Variants in IP6K1 observed in about 807,000 individuals in gnomAD.
The protein encoded by IP6K1 is ATP:1D-myo-inositol-hexakisphosphate phosphotransferase.
In IP6K1, 13 loss-of-function variants were observed where a neutral mutation model predicts 38.3. That is an observed-to-expected ratio of 0.34 (90% CI 0.22 to 0.54). The LOEUF is 0.54. IP6K1 is among the 20% of genes least tolerant of loss of function. The pLI, the probability that IP6K1 is intolerant of heterozygous loss-of-function variation, is 0.92. For missense variants in IP6K1, 397 were observed against 599.8 expected, an observed-to-expected ratio of 0.66 and a Z score of 3.53; for synonymous variants, 212 against 229.9, an observed-to-expected ratio of 0.92 and a Z score of 0.70.
Position 49,745,808 on chromosome 3 carries a change from C to T in IP6K1, c.223+2010G>A, listed in dbSNP as rs555246507. Among the ~76,000 whole-genome samples the T allele has an allele frequency of 2.7e-5, 4 of 147,930 alleles. No homozygotes were observed. The East Asian group carries it at 6.0e-4, about 22-fold the overall frequency. On this transcript the variant is annotated intron_variant, in intron 2 of 5. Coordinates refer to ENST00000321599, the MANE Select transcript of IP6K1 (RefSeq NM_153273.4). ...GGTGGAGATTGCAGTGAGCCGAGAT[C>T]GTGCCACTGCACTCCAGCCTGGGCG...
chr3:49,785,623 G>A (rs1434434444), intron 1 of IP6K1: 2 of 152,124 alleles, frequency 1.3e-5, no homozygotes, highest in Non-Finnish European at 2.9e-5. Flanking sequence ...CTCCTATGGC[G>A]AGCATCCCTT....
At position 49,727,024 on chromosome 3, in the gene IP6K1, C is replaced by G; in HGVS notation, c.*98G>C. On this transcript the variant is annotated 3_prime_UTR_variant, in exon 6 of 6. Coordinates refer to ENST00000321599, the MANE Select transcript of IP6K1 (RefSeq NM_153273.4). This position sits in a 1 kb window ranked among gnomAD's most constrained non-coding sequence, Gnocchi z 5.9. ...TAGTTTACACCAAAGAGAAATATAA[C>G]CCTTTAAAAGCAAGTCTGTGTGTCC... The G allele has an allele frequency of 1.7e-6, 2 of 1,189,510 alleles. No individual in the cohort carries two copies. Among genetic ancestry groups the G allele is most frequent in the Non-Finnish European group, 2.4e-6 (2 of 840,240 alleles). 73.7% of individuals were successfully genotyped at this position (1,189,510 alleles called of 1,614,324 possible).
At chr3:49,753,283 T>G (rs938585322) in intron 1 of IP6K1, among the ~76,000 whole-genome samples, 1 of 152,242 alleles carries the variant, frequency 6.6e-6, no homozygotes, top group South Asian at 2.1e-4. Flanking sequence ...TGCCTAAACA[T>G]TCTTCCCCCA....
chr3:49,781,004 G>T (rs76227412), intron 1 of IP6K1, among the ~76,000 whole-genome samples: 1,772 of 151,984 alleles, frequency 0.012, 32 homozygotes, highest in Non-Finnish European at 0.012. Flanking sequence ...GACACAAAAA[G>T]TGTAAAATAC....
intron 1 of IP6K1, among the ~76,000 whole-genome samples, chr3:49,753,307 C>T (rs1430614757): frequency 6.6e-6 from 1 of 152,076 alleles, no homozygotes; most frequent in African/African-American, 2.4e-5. Context: ...AACCACATGG[C>T]CAACTCCCTC....
At chr3:49,764,474 C>G (rs939428472) in intron 1 of IP6K1, among the ~76,000 whole-genome samples, 1 of 152,160 alleles carries the variant, frequency 6.6e-6, no homozygotes, top group Non-Finnish European at 1.5e-5. Flanking sequence ...CAGTAGGCTA[C>G]TAATAATTAA....
chr3:49,765,942 C>T (rs539014667), intron 1 of IP6K1, among the ~76,000 whole-genome samples: 1 of 151,774 alleles, frequency 6.6e-6, no homozygotes, highest in Admixed American at 6.6e-5. Context: ...TTTGTGAGGC[C>T]GAAGCGGGCA....
At chr3:49,767,154 T>C (rs1215976886) in intron 1 of IP6K1, among the ~76,000 whole-genome samples, 1 of 151,596 alleles carries the variant, frequency 6.6e-6, no homozygotes, top group Non-Finnish European at 1.5e-5. Flanking sequence ...CTCATACCAG[T>C]AGTCTCGGCT....
chr3:49,773,863 G>A (rs768362644), intron 1 of IP6K1, among the ~76,000 whole-genome samples: 13 of 151,932 alleles, frequency 8.6e-5, no homozygotes, highest in Admixed American at 2.0e-4. Context: ...TTATAAATAA[G>A]TTTCAGAATA....
chr3:49,736,225 A>G (rs761000465), intron 3 of IP6K1, among the ~76,000 whole-genome samples: 60 of 152,046 alleles, frequency 3.9e-4, no homozygotes, highest in Non-Finnish European at 6.8e-4. Context: ...TCATAATTCT[A>G]TTATTATTTT....
At chr3:49,730,519 G>A (rs2080553100) in intron 4 of IP6K1, among the ~76,000 whole-genome samples, 1 of 152,142 alleles carries the variant, frequency 6.6e-6, no homozygotes, top group Admixed American at 6.6e-5. Context: ...TTCCCAAATA[G>A]GAATCTTTAG....
At chr3:49,748,305 C>A in intron 1 of IP6K1, 137 bp from the exon 2 acceptor site, 1 of 475,832 alleles carries the variant, frequency 2.1e-6, no homozygotes, top group Non-Finnish European at 3.8e-6. Context: ...TACTACGTGG[C>A]ACATGAAAGG....
intron 1 of IP6K1, among the ~76,000 whole-genome samples, chr3:49,773,926 T>C (rs901422122): frequency 4.6e-4 from 70 of 151,576 alleles, no homozygotes; most frequent in Non-Finnish European, 6.0e-4. Context: ...GCAGGATCAC[T>C]TGAGCCCAGG....
chr3:49,738,190 G>A, intron 3 of IP6K1, 22 bp downstream of exon 3: 2 of 1,595,270 alleles, frequency 1.3e-6, no homozygotes, highest in Non-Finnish European at 1.7e-6. Flanking sequence ...TGTACCAGCA[G>A]GACGAAACAT....
In IP6K1 at chr3:49,774,991, T is replaced by C. The variant is rs558202969; in HGVS notation, c.-129+11363A>G. Among the ~76,000 whole-genome samples the C allele has an allele frequency of 2.6e-5, 4 of 152,330 alleles. No individual in the cohort carries two copies. The East Asian group carries it at 7.7e-4, about 29-fold the overall frequency. On this transcript the variant is annotated intron_variant, in intron 1 of 5. Coordinates refer to ENST00000321599, the MANE Select transcript of IP6K1 (RefSeq NM_153273.4). ...CTACATACATACAATATAAAACCTT[T>C]TAGGTATGTTTCTATTTAAAAACAC... is the stretch of plus-strand genomic sequence containing the variant.
At chr3:49,764,950 A>G (rs2080898767) in intron 1 of IP6K1, among the ~76,000 whole-genome samples, 1 of 152,108 alleles carries the variant, frequency 6.6e-6, no homozygotes, top group African/African-American at 2.4e-5. Context: ...ACACATTATA[A>G]AACAAAAACG....
rs1388724232 is a variant in IP6K1, at chr3:49,726,786, C to G, written c.*336G>C. The G allele has an allele frequency of 2.5e-6, 1 of 393,022 alleles. No homozygotes were observed. The highest frequency in any genetic ancestry group is 3.8e-5 in the East Asian group (1 of 26,550). The allele number at this position is 393,022 out of a possible 1,614,324, so 24.3% of individuals were successfully genotyped here. On this transcript the variant is annotated 3_prime_UTR_variant, in exon 6 of 6. Transcript: ENST00000321599. ...CTTACAATCAGCAGGGCCCTGCAGC[C>G]ACAGATCTCAAAGATCTAGACAAGA...
At chr3:49,772,363 T>C (rs1361884273) in intron 1 of IP6K1, among the ~76,000 whole-genome samples, 1 of 148,514 alleles carries the variant, frequency 6.7e-6, no homozygotes, top group African/African-American at 2.5e-5. Context: ...AATATATATA[T>C]ATAGAAGGCT....
chr3:49,742,639 CT>C (rs2108232248), intron 2 of IP6K1, among the ~76,000 whole-genome samples: 1 of 152,298 alleles, frequency 6.6e-6, no homozygotes, highest in Non-Finnish European at 1.5e-5. Flanking sequence ...TGGCTCACAT[CT>C]GTAATCCCAG....
Sources: gnomAD v4.1 joint callset for allele counts (sites outside exome capture counted in the v4.1 genomes callset) on GRCh38, gnomAD v4.1.1 for gene constraint, Gnocchi (gnomAD v3.1) non-coding constraint, MANE v1.5 for transcripts, NCBI Gene and HGNC (gene_info 2026-07-23, HGNC 2026-07-21) for gene names.